Variants in CSMD3 observed in about 807,000 individuals in gnomAD.
The protein encoded by CSMD3 is CUB and sushi domain-containing protein 3.
CSMD3 carries 177 observed loss-of-function variants against 435.2 expected under a neutral mutation model. The ratio of observed to expected loss-of-function variants is 0.41; its 90% CI spans 0.36 to 0.46. The LOEUF is 0.46. CSMD3 is among the 20% of genes least tolerant of loss of function. CSMD3 has a pLI of 0.34. For synonymous variants in CSMD3, 1,656 were observed against 1,520.5 expected, an observed-to-expected ratio of 1.09 and a Z score of -2.07; for missense variants, 4,265 against 4,504.6, an observed-to-expected ratio of 0.95 and a Z score of 1.52.
At chr8:112,361,609 A>C (rs1035033307) in intron 38 of CSMD3, among the ~76,000 whole-genome samples, 3 of 87,630 alleles carry the variant, frequency 3.4e-5, no homozygotes, top group Non-Finnish European at 7.2e-5. Context: ...ATATATATAT[A>C]TATATATATA....
chr8:112,281,159 T>C lies in CSMD3; in HGVS notation c.9508+15A>G. The C allele has an allele frequency of 6.3e-7, 1 of 1,580,656 alleles. No homozygotes were observed. The highest frequency in any genetic ancestry group is 8.7e-7 in the Non-Finnish European group (1 of 1,150,030). On this transcript the variant is annotated intron_variant, in intron 59 of 70. Coordinates refer to ENST00000297405, the MANE Select transcript of CSMD3 (RefSeq NM_198123.2). ...CATATAATTACTGATTTTTAAATAT[T>C]GAGAATATACTTACTTGTACAGTTA...
rs138505831 is a variant in CSMD3, at chr8:112,903,354, T to C, written c.1633+18273A>G. Reference sequence around the variant, plus strand: ...CTAAAGTAAAGGACATAATAAGTCATTGTAAGTTTTACAAAAATTCCCTTG... The same window carrying C: ...CTAAAGTAAAGGACATAATAAGTCACTGTAAGTTTTACAAAAATTCCCTTG... On this transcript the variant is annotated intron_variant, in intron 10 of 70. Coordinates refer to ENST00000297405, the MANE Select transcript of CSMD3 (RefSeq NM_198123.2). 2.3e-3 allele frequency among the ~76,000 whole-genome samples: 355 copies of C among 151,302 alleles called. 11 individuals are homozygous for C. The Middle Eastern group carries it at 0.027, about 12-fold the overall frequency.
chr8:112,886,960 G>A (rs937452026), intron 10 of CSMD3, among the ~76,000 whole-genome samples: 8 of 150,866 alleles, frequency 5.3e-5, no homozygotes, highest in East Asian at 2.0e-4. Context: ...TTGAACTTGC[G>A]GATTTGGAGG....
chr8:112,679,096 T>TG (rs2075830870), intron 16 of CSMD3, among the ~76,000 whole-genome samples: 1 of 150,128 alleles, frequency 6.7e-6, no homozygotes, highest in Non-Finnish European at 1.5e-5. Context: ...TTTTTTTTTT[T>TG]TTTTTTTTAA....
intron 3 of CSMD3, among the ~76,000 whole-genome samples, chr8:113,269,505 G>C (rs552283860): frequency 6.6e-6 from 1 of 151,998 alleles, no homozygotes; most frequent in South Asian, 2.1e-4. Flanking sequence ...TCACCAAGTC[G>C]ATCCTAAGCC....
chr8:112,368,029 A>G (rs578256834), intron 38 of CSMD3, among the ~76,000 whole-genome samples: 4 of 152,106 alleles, frequency 2.6e-5, no homozygotes, highest in Non-Finnish European at 5.9e-5. Flanking sequence ...AACCTCAAAA[A>G]TTTTCTGAGT....
chr8:112,232,939 G>C (rs1335594481), intron 68 of CSMD3, among the ~76,000 whole-genome samples: 1 of 152,140 alleles, frequency 6.6e-6, no homozygotes, highest in East Asian at 1.9e-4. Context: ...GCCTCAAGTA[G>C]TGCCTCCACA....
At chr8:112,727,960 T>A (rs908073897) in intron 13 of CSMD3, among the ~76,000 whole-genome samples, 4 of 151,944 alleles carry the variant, frequency 2.6e-5, no homozygotes, top group African/African-American at 9.7e-5. Flanking sequence ...TTCCAGACTG[T>A]AAACTCTTGT....
chr8:113,230,617 C>T (rs1470379689), intron 3 of CSMD3, among the ~76,000 whole-genome samples: 1 of 151,556 alleles, frequency 6.6e-6, no homozygotes, highest in Non-Finnish European at 1.5e-5. Flanking sequence ...CAGTTCATTA[C>T]ATATTCTAAA....
chr8:112,841,273 T>G (rs1178308009), intron 11 of CSMD3, among the ~76,000 whole-genome samples: 1 of 151,640 alleles, frequency 6.6e-6, no homozygotes, highest in Non-Finnish European at 1.5e-5. Flanking sequence ...CTTTACCCAC[T>G]ATGCCAAGGG....
intron 3 of CSMD3, among the ~76,000 whole-genome samples, chr8:113,205,117 A>G (rs1299764621): frequency 1.3e-5 from 2 of 151,814 alleles, no homozygotes; most frequent in African/African-American, 4.8e-5. Flanking sequence ...CCAAGTAGCT[A>G]GGATTACATA....
At chr8:113,366,384 A>G (rs2094311568) in intron 1 of CSMD3, among the ~76,000 whole-genome samples, 1 of 152,026 alleles carries the variant, frequency 6.6e-6, no homozygotes, top group South Asian at 2.1e-4. Context: ...CCCCCATTAA[A>G]TTTCCATGTT....
At chr8:113,219,571 T>C (rs553173412) in intron 3 of CSMD3, among the ~76,000 whole-genome samples, 28 of 151,456 alleles carry the variant, frequency 1.8e-4, no homozygotes, top group South Asian at 1.0e-3. Context: ...ATCTTTTTAA[T>C]AGATTGTGTT....
At chr8:112,611,435 T>C (rs2131468955) in intron 22 of CSMD3, among the ~76,000 whole-genome samples, 1 of 152,290 alleles carries the variant, frequency 6.6e-6, no homozygotes, top group Middle Eastern at 3.4e-3. Context: ...TTTATGTTAA[T>C]AGCCAAAAGA....
At chr8:112,519,458 C>CCTTCTATTACA (rs1392411390) in intron 27 of CSMD3, among the ~76,000 whole-genome samples, 2 of 152,078 alleles carry the variant, frequency 1.3e-5, no homozygotes, top group African/African-American at 4.8e-5. Context: ...GTTTTCTTTG[C>CCTTCTATTACA]CTCAAAAGTG....
At chr8:113,143,662 T>A (rs1331304760) in intron 4 of CSMD3, among the ~76,000 whole-genome samples, 2 of 151,320 alleles carry the variant, frequency 1.3e-5, no homozygotes, top group East Asian at 1.9e-4. Flanking sequence ...TTTGCATGCA[T>A]CCCCAGGGAA....
intron 13 of CSMD3, among the ~76,000 whole-genome samples, chr8:112,722,062 A>T (rs1236753933): frequency 1.3e-5 from 2 of 152,074 alleles, no homozygotes; most frequent in Non-Finnish European, 2.9e-5. Flanking sequence ...TATGAAAAAA[A>T]AATCCATACA....
chr8:112,487,109 GTACTC>G (rs1176335222), intron 31 of CSMD3, among the ~76,000 whole-genome samples: 23 of 152,274 alleles, frequency 1.5e-4, no homozygotes, highest in Middle Eastern at 6.8e-3. Context: ...ACGGTGGTCA[GTACTC>G]TCTAGTTTAA....
intron 3 of CSMD3, among the ~76,000 whole-genome samples, chr8:113,181,345 T>A (rs2092419173): frequency 6.6e-6 from 1 of 152,104 alleles, no homozygotes; most frequent in African/African-American, 2.4e-5. Flanking sequence ...ATTTATGCTA[T>A]GTTGGTAATG....
Sources: allele counts gnomAD v4.1 joint callset (sites outside exome capture counted in the v4.1 genomes callset), GRCh38; gene constraint gnomAD v4.1.1; transcripts MANE v1.5; gene names NCBI Gene and HGNC (gene_info 2026-07-23, HGNC 2026-07-21).